Variants in LTBP1 observed in about 807,000 individuals in gnomAD.
LTBP1 encodes the protein latent-transforming growth factor beta-binding protein 1.
Under a neutral mutation model 207.6 loss-of-function variants are expected in LTBP1, and 129 were observed. The observed-to-expected ratio is 0.62, with a 90% CI of 0.54 to 0.72. The LOEUF is 0.72. Among genes scored for constraint, LTBP1 ranks in the 30% least tolerant of loss-of-function variants. The pLI, the probability that LTBP1 is intolerant of heterozygous loss-of-function variation, is 0.00. For synonymous variants in LTBP1, 963 were observed against 833.7 expected (o/e 1.16, Z -2.67); for missense variants, 2,281 against 2,217.2 (o/e 1.03, Z -0.58).
intron 24 of LTBP1, chr2:33,332,962 C>T (rs1174603998): frequency 6.6e-6 from 1 of 152,120 alleles, no homozygotes; most frequent in Non-Finnish European, 1.5e-5. Context: ...AGGGTCGGGC[C>T]TCATTAGTAC....
rs1014991567 is a variant in LTBP1, at chr2:33,170,343, C to T, written c.1202-16513C>T. Among the ~76,000 whole-genome samples the T allele has an allele frequency of 6.9e-4, 103 of 150,060 alleles. 2 individuals carry two copies. Among genetic ancestry groups the T allele is most frequent in the Non-Finnish European group, 1.1e-3 (72 of 67,402 alleles). On this transcript the variant is annotated intron_variant, in intron 5 of 33. Transcript: ENST00000404816. ...GACGGGCTTAAAAAACGGCGCACCA[C>T]GAGATTATATCCCGCACCTGGCTCA...
chr2:33,275,717 A>G lies in LTBP1; in HGVS notation c.2870-84A>G, dbSNP rs948168520. On this transcript the variant is annotated intron_variant, in intron 17 of 33. Transcript: ENST00000404816. ...AAAAGAAATCAGTTACTTCGTTATT[A>G]TATTTGAGCTAAGCTGGGAGATGGG... 3.8e-5 allele frequency: 58 copies of G among 1,510,964 alleles called. No individual in the cohort carries two copies. The Middle Eastern group carries it at 6.9e-4, about 18-fold the overall frequency. The allele number at this position is 1,510,964 out of a possible 1,614,324, so 93.6% of individuals were successfully genotyped here.
At chr2:33,315,345 T>G in intron 24 of LTBP1, 76 bp downstream of exon 24, 2 of 1,566,370 alleles carry the variant, frequency 1.3e-6, no homozygotes, top group Non-Finnish European at 1.7e-6. Context: ...TACAAAGACT[T>G]GAAGACACTA....
chr2:33,161,083 A>G (rs1479497961), intron 5 of LTBP1, among the ~76,000 whole-genome samples: 3 of 152,286 alleles, frequency 2.0e-5, no homozygotes, highest in East Asian at 3.9e-4. Context: ...TTTGAGAAGA[A>G]TACTACATGT....
In LTBP1 at chr2:33,178,101, G is replaced by GTCTA. The variant is rs1164302728; in HGVS notation, c.1202-8754_1202-8751dup. ...CATTTTTGCAGATGGAGACACTGTAGTCTACATAGTGATTTTGAAGTCTTT... is the reference window on the plus strand; with the variant it reads ...CATTTTTGCAGATGGAGACACTGTAGTCTATCTACATAGTGATTTTGAAGTCTTT... On this transcript the variant is annotated intron_variant, in intron 5 of 33. Transcript: ENST00000404816. Among the ~76,000 whole-genome samples, 8 of 152,290 alleles carry GTCTA rather than the reference G, an allele frequency of 5.3e-5. No homozygotes were observed. In the South Asian group the frequency reaches 1.2e-3, roughly 24 times the overall value.
At chr2:32,980,172 A>C (rs1469318385) in intron 2 of LTBP1, among the ~76,000 whole-genome samples, 2 of 152,016 alleles carry the variant, frequency 1.3e-5, no homozygotes, top group Non-Finnish European at 2.9e-5. Flanking sequence ...CAGTGTTGTT[A>C]TTGTTAAGTA....
At chr2:33,204,332 A>C (rs1441794425) in intron 7 of LTBP1, among the ~76,000 whole-genome samples, 2 of 152,248 alleles carry the variant, frequency 1.3e-5, no homozygotes, top group African/African-American at 2.4e-5. Context: ...CCATTGGGCA[A>C]ATAGCTTGGA....
At chr2:33,215,907 G>T (rs964337153) in intron 7 of LTBP1, among the ~76,000 whole-genome samples, 1 of 151,868 alleles carries the variant, frequency 6.6e-6, no homozygotes, top group Non-Finnish European at 1.5e-5. Flanking sequence ...TAGAGACAGG[G>T]TTTCACCATG....
chr2:33,213,423 G>T (rs1046519369), intron 7 of LTBP1, among the ~76,000 whole-genome samples: 1 of 152,142 alleles, frequency 6.6e-6, no homozygotes, highest in Non-Finnish European at 1.5e-5. Flanking sequence ...TATAGTTAGC[G>T]TGAGCCTATA....
intron 24 of LTBP1, among the ~76,000 whole-genome samples, chr2:33,337,870 A>T (rs1370455235): frequency 1.3e-5 from 2 of 152,182 alleles, no homozygotes; most frequent in Non-Finnish European, 2.9e-5. Flanking sequence ...TGGGACTTCT[A>T]CTCTAATGTA....
chr2:33,089,081 G>A (rs1351552833), intron 3 of LTBP1, among the ~76,000 whole-genome samples: 4 of 150,102 alleles, frequency 2.7e-5, no homozygotes, highest in African/African-American at 9.8e-5. Flanking sequence ...GCTTGAACCC[G>A]GGAGGTAAAG....
chr2:33,332,205 T>C (rs1402680821), intron 24 of LTBP1, among the ~76,000 whole-genome samples: 1 of 151,692 alleles, frequency 6.6e-6, no homozygotes, highest in Non-Finnish European at 1.5e-5. Context: ...TATCCTCAAA[T>C]AGTAGATTGC....
chr2:33,138,874 T>G (rs1350789398), intron 5 of LTBP1, among the ~76,000 whole-genome samples: 1 of 106,766 alleles, frequency 9.4e-6, no homozygotes, highest in Non-Finnish European at 1.9e-5. Context: ...TTTTTTTTTT[T>G]TTGAGACGGA....
chr2:33,262,621 T>C, intron 13 of LTBP1, 101 bp from the exon 14 acceptor site: 1 of 485,920 alleles, frequency 2.1e-6, no homozygotes, highest in East Asian at 3.3e-5. Context: ...TCTAAGAATA[T>C]AATTAATTAC....
chr2:33,297,185 G>T (rs976353586), intron 20 of LTBP1, among the ~76,000 whole-genome samples: 4 of 152,082 alleles, frequency 2.6e-5, no homozygotes, highest in African/African-American at 9.7e-5. Flanking sequence ...ACTTCCACTT[G>T]GCATTTAACC....
intron 5 of LTBP1, among the ~76,000 whole-genome samples, chr2:33,182,533 G>A (rs1016158849): frequency 8.0e-5 from 12 of 150,900 alleles, no homozygotes. Flanking sequence ...GTGGTGGCAG[G>A]TGCCTGTAGT....
chr2:33,149,960 A>G (rs1239492975), intron 5 of LTBP1, among the ~76,000 whole-genome samples: 1 of 152,216 alleles, frequency 6.6e-6, no homozygotes, highest in Non-Finnish European at 1.5e-5. Context: ...ATCTTTACAC[A>G]TGCCCTTTGA....
intron 4 of LTBP1, among the ~76,000 whole-genome samples, chr2:33,129,010 C>T (rs1454507834): frequency 1.3e-5 from 2 of 152,110 alleles, no homozygotes; most frequent in Non-Finnish European, 2.9e-5. Context: ...GTGTTCTAGA[C>T]AGGTGAGTTT....
intron 23 of LTBP1, among the ~76,000 whole-genome samples, chr2:33,310,108 C>T (rs1009839678): frequency 2.6e-5 from 4 of 151,980 alleles, no homozygotes; most frequent in East Asian, 1.9e-4. Flanking sequence ...CCACCACACC[C>T]GGCAAATTTT....
Sources: allele counts gnomAD v4.1 joint callset (sites outside exome capture counted in the v4.1 genomes callset), GRCh38; gene constraint gnomAD v4.1.1; transcripts MANE v1.5; gene names NCBI Gene and HGNC (gene_info 2026-07-23, HGNC 2026-07-21).